The following RARB variants were observed in gnomAD, a reference collection of about 807,000 sequenced individuals.
RARB encodes the protein retinoic acid receptor beta.
In RARB, 17 loss-of-function variants were observed where a neutral mutation model predicts 51.9. The ratio of observed to expected loss-of-function variants is 0.33; its 90% CI spans 0.22 to 0.49. The LOEUF is 0.49. Among genes scored for constraint, RARB ranks in the 20% least tolerant of loss-of-function variants. The probability of loss-of-function intolerance (pLI) is 0.99; values close to 1 mark genes in which losing one functional copy is unlikely to be tolerated. For synonymous variants in RARB, 215 were observed against 195.4 expected (o/e 1.10, Z -0.84); for missense variants, 369 against 550.8 (o/e 0.67, Z 3.30).
At chr3:25,418,691 C>G (rs1357319224) in intron 5 of RARB, among the ~76,000 whole-genome samples, 1 of 152,008 alleles carries the variant, frequency 6.6e-6, no homozygotes, top group Non-Finnish European at 1.5e-5. Context: ...ATTGGACTAA[C>G]TCTCACTCCA....
At chr3:24,887,024 C>A (rs150739271) in intron 2 of RARB, among the ~76,000 whole-genome samples, 3 of 152,306 alleles carry the variant, frequency 2.0e-5, no homozygotes, top group Admixed American at 2.0e-4. Flanking sequence ...CATAGACTTA[C>A]ATTTCTCATT....
At chr3:25,190,708 G>A (rs1277315278) in intron 5 of RARB, among the ~76,000 whole-genome samples, 3 of 152,116 alleles carry the variant, frequency 2.0e-5, no homozygotes, top group African/African-American at 7.2e-5. Context: ...GAACCTCAAA[G>A]AGAAAGGGTC....
chr3:25,501,043 G>A (rs529480709), intron 2 of RARB, 139 bp from the exon 3 acceptor site: 4 of 1,002,368 alleles, frequency 4.0e-6, no homozygotes, highest in African/African-American at 1.7e-5. Flanking sequence ...AGGATTTTAA[G>A]GTTTATGTAA....
At chr3:25,484,428 C>T (rs552435210) in intron 2 of RARB, among the ~76,000 whole-genome samples, 39 of 151,868 alleles carry the variant, frequency 2.6e-4, no homozygotes, top group East Asian at 5.8e-4. Flanking sequence ...AGAAAGAGAC[C>T]GTGTTTTCTC....
intron 2 of RARB, among the ~76,000 whole-genome samples, chr3:24,914,367 G>A (rs1575069315): frequency 6.6e-6 from 1 of 152,136 alleles, no homozygotes; most frequent in Non-Finnish European, 1.5e-5. Context: ...ATTGCTGCAG[G>A]AATATTGGGG....
intron 5 of RARB, among the ~76,000 whole-genome samples, chr3:25,311,965 A>C (rs1210709431): frequency 6.6e-6 from 1 of 152,128 alleles, no homozygotes; most frequent in African/African-American, 2.4e-5. Flanking sequence ...GTAAAACACA[A>C]CTCATTAATG....
chr3:25,560,361 C>G (rs1209168646), intron 3 of RARB, among the ~76,000 whole-genome samples: 1 of 152,184 alleles, frequency 6.6e-6, no homozygotes, highest in Non-Finnish European at 1.5e-5. Flanking sequence ...CATGAAAGAG[C>G]TTCTCTACAT....
At chr3:25,482,620 A>G (rs1696283598) in intron 2 of RARB, among the ~76,000 whole-genome samples, 1 of 128,380 alleles carries the variant, frequency 7.8e-6, no homozygotes, top group African/African-American at 3.0e-5. Flanking sequence ...GCTCACTGCA[A>G]CCTCTGCCTC....
At chr3:25,347,047 T>C (rs537884038) in intron 5 of RARB, among the ~76,000 whole-genome samples, 2 of 152,246 alleles carry the variant, frequency 1.3e-5, no homozygotes, top group African/African-American at 2.4e-5. Flanking sequence ...TTTAAAACTG[T>C]GGTGGTTGAG....
intron 5 of RARB, among the ~76,000 whole-genome samples, chr3:25,342,613 C>G (rs985284047): frequency 1.3e-5 from 2 of 152,202 alleles, no homozygotes; most frequent in African/African-American, 2.4e-5. Flanking sequence ...TATCAGCAAA[C>G]TGCCTATGCC....
chr3:25,174,730 T>C (rs1052361924), intron 5 of RARB, among the ~76,000 whole-genome samples: 1 of 152,218 alleles, frequency 6.6e-6, no homozygotes, highest in Non-Finnish European at 1.5e-5. Context: ...TGGAAAGAGA[T>C]ATGATTTGAA....
At chr3:24,846,870 G>GAA (rs72344692) in intron 1 of RARB, among the ~76,000 whole-genome samples, 7,877 of 130,850 alleles carry the variant, frequency 0.06, 382 homozygotes, top group East Asian at 0.24. Context: ...GCCAAAATTG[G>GAA]AAAAAAAAAA....
intron 2 of RARB, among the ~76,000 whole-genome samples, chr3:24,946,032 G>A (rs1441859865): frequency 6.6e-6 from 1 of 152,112 alleles, no homozygotes; most frequent in South Asian, 2.1e-4. Flanking sequence ...TTGGGAGGCC[G>A]AGGCAGGCAG....
chr3:25,340,776 G>A (rs1367298544), intron 5 of RARB, among the ~76,000 whole-genome samples: 1 of 152,304 alleles, frequency 6.6e-6, no homozygotes. Context: ...AGGAATTTTA[G>A]GGAGGATCTC....
At position 25,260,401 on chromosome 3, in the gene RARB, G is replaced by A. The variant is rs545635223; in HGVS notation, c.178+85826G>A. Among the ~76,000 whole-genome samples the A allele has an allele frequency of 4.6e-5, 7 of 152,212 alleles. 1 individual carries two copies. The highest frequency in any genetic ancestry group is 1.7e-4 in the African/African-American group (7 of 41,550). On this transcript the variant is annotated intron_variant, in intron 5 of 11. Transcript: ENST00000383772. ...AGCCTACCATGCATACAAAAACCAA[G>A]CAACTGAAGAGTTTAATTAGTTGGG...
chr3:25,428,550 C>A lies in RARB; in HGVS notation c.-182C>A, dbSNP rs1708072991. 12 of 1,284,302 alleles carry A rather than the reference C, an allele frequency of 9.3e-6. No homozygotes were observed. Among genetic ancestry groups the A allele is most frequent in the Non-Finnish European group, 1.2e-5 (12 of 1,013,944 alleles). The allele number at this position is 1,284,302 out of a possible 1,614,324, so 79.6% of individuals were successfully genotyped here. A position where few individuals can be genotyped will look rare whatever the true frequency, so the allele number is the denominator to read the frequency against. On this transcript the variant is annotated 5_prime_UTR_variant, in exon 1 of 8. Transcript: ENST00000330688. ...GAAAATGGTAAATGATCATTTGGAT[C>A]AATTACAGGCTTTTAGCTGGCTTGT...
chr3:25,236,541 T>C (rs1419095073), intron 5 of RARB, among the ~76,000 whole-genome samples: 2 of 152,040 alleles, frequency 1.3e-5, no homozygotes, highest in Non-Finnish European at 2.9e-5. Flanking sequence ...GAATTGAACA[T>C]GGGATCTAGT....
intron 5 of RARB, among the ~76,000 whole-genome samples, chr3:25,285,078 G>A (rs1032763369): frequency 3.9e-5 from 6 of 152,186 alleles, no homozygotes; most frequent in African/African-American, 1.4e-4. Flanking sequence ...GTGTTAGATA[G>A]AGGGAGCCCT....
intron 2 of RARB, among the ~76,000 whole-genome samples, chr3:24,882,361 A>G (rs534876325): frequency 6.6e-6 from 1 of 152,344 alleles, no homozygotes; most frequent in South Asian, 2.1e-4. Context: ...ACTAAACAAT[A>G]CAATAAAAAT....
Sources: allele counts gnomAD v4.1 joint callset (sites outside exome capture counted in the v4.1 genomes callset), GRCh38; gene constraint gnomAD v4.1.1; transcripts MANE v1.5; gene names NCBI Gene and HGNC (gene_info 2026-07-23, HGNC 2026-07-21).